Variants in TRAPPC9 observed in about 807,000 individuals in gnomAD.
TRAPPC9 encodes the protein trafficking protein particle complex subunit 9.
A neutral mutation model predicts 124.0 loss-of-function variants in TRAPPC9; 83 were observed. The ratio of observed to expected loss-of-function variants is 0.67; its 90% CI spans 0.56 to 0.80. The LOEUF is 0.80. Among genes scored for constraint, TRAPPC9 ranks in the 30% least tolerant of loss-of-function variants. TRAPPC9 has a pLI of 0.00. For missense variants in TRAPPC9, 1,302 were observed against 1,508.3 expected (o/e 0.86, Z 2.27); for synonymous variants, 638 against 617.5 (o/e 1.03, Z -0.49).
intron 17 of TRAPPC9, among the ~76,000 whole-genome samples, chr8:140,032,706 A>G (rs1418780787): frequency 2.0e-5 from 3 of 152,236 alleles, no homozygotes; most frequent in Non-Finnish European, 2.9e-5. Context: ...AACCACATAC[A>G]TAAGTTGCTT....
chr8:140,440,584 T>A (rs1339484327), intron 2 of TRAPPC9, among the ~76,000 whole-genome samples: 1 of 151,968 alleles, frequency 6.6e-6, no homozygotes, highest in Non-Finnish European at 1.5e-5. Context: ...CTCCGCCTAG[T>A]CTCTGACTCC....
intron 17 of TRAPPC9, among the ~76,000 whole-genome samples, chr8:140,058,591 A>G (rs986357236): frequency 1.1e-4 from 16 of 152,220 alleles, no homozygotes; most frequent in African/African-American, 3.9e-4. Flanking sequence ...CCTCACAGAC[A>G]AAGACAAGCT....
intron 21 of TRAPPC9, among the ~76,000 whole-genome samples, chr8:139,738,033 A>G (rs953009711): frequency 6.6e-6 from 1 of 152,202 alleles, no homozygotes; most frequent in Non-Finnish European, 1.5e-5. Flanking sequence ...AGGTCCTTCC[A>G]GCTTCTCCCA....
rs184686731 is a variant in TRAPPC9, at chr8:139,730,646, T to A, written c.*415A>T. 2.0e-4 allele frequency: 46 copies of A among 226,048 alleles called. No homozygotes were observed. The highest frequency in any genetic ancestry group is 1.0e-3 in the African/African-American group (45 of 44,580). The allele number at this position is 226,048 out of a possible 1,614,324, so 14.0% of individuals were successfully genotyped here. On this transcript the variant is annotated 3_prime_UTR_variant, in exon 23 of 23. Transcript: ENST00000438773. Reference sequence around the variant, plus strand: ...GCCCACGCCCTCAGGCTGTGCCCAGTCTCATGCTCACCATTTCTTTCTATG... The same window carrying A: ...GCCCACGCCCTCAGGCTGTGCCCAGACTCATGCTCACCATTTCTTTCTATG...
intron 2 of TRAPPC9, among the ~76,000 whole-genome samples, chr8:140,449,026 G>A (rs1461384997): frequency 6.6e-6 from 1 of 152,128 alleles, no homozygotes; most frequent in African/African-American, 2.4e-5. Flanking sequence ...ACATTTGGGT[G>A]AAGAAATGAA....
At chr8:139,994,139 G>A (rs911178157) in intron 18 of TRAPPC9, among the ~76,000 whole-genome samples, 1 of 152,164 alleles carries the variant, frequency 6.6e-6, no homozygotes, top group Non-Finnish European at 1.5e-5. Context: ...CTGAGAAAAG[G>A]GTTTGCACAG....
chr8:140,330,200 G>A (rs1461262291), intron 9 of TRAPPC9, among the ~76,000 whole-genome samples: 1 of 150,330 alleles, frequency 6.7e-6, no homozygotes, highest in Non-Finnish European at 1.5e-5. Flanking sequence ...ACTCCAACAT[G>A]TCCAGCAAGT....
At chr8:139,860,358 C>A (rs1388686910) in intron 21 of TRAPPC9, among the ~76,000 whole-genome samples, 1 of 152,194 alleles carries the variant, frequency 6.6e-6, no homozygotes, top group Non-Finnish European at 1.5e-5. Context: ...TCGGGAACAA[C>A]CTCAGGGAGC....
chr8:140,060,457 C>A lies in TRAPPC9; in HGVS notation c.2557-36378G>T, dbSNP rs1189176068. On this transcript the variant is annotated intron_variant, in intron 17 of 22. Coordinates refer to ENST00000438773, the MANE Select transcript of TRAPPC9 (RefSeq NM_001160372.4). ...GAGTTCCTTTTTCTCTAATGTTCTG[C>A]CCCAAATTTCAGCCCCTTGGCCTCC... Among the ~76,000 whole-genome samples the A allele has an allele frequency of 2.0e-5, 3 of 152,184 alleles. No homozygotes were observed. In the East Asian group the frequency reaches 5.8e-4, roughly 29 times the overall value.
At chr8:140,031,524 G>A (rs1272741045) in intron 17 of TRAPPC9, among the ~76,000 whole-genome samples, 1 of 152,120 alleles carries the variant, frequency 6.6e-6, no homozygotes, top group Non-Finnish European at 1.5e-5. Context: ...CTTCTGCTCT[G>A]TTTCTATAAT....
chr8:140,046,752 C>T (rs1235973782), intron 17 of TRAPPC9, among the ~76,000 whole-genome samples: 2 of 152,144 alleles, frequency 1.3e-5, no homozygotes, highest in Non-Finnish European at 2.9e-5. Context: ...ATTAGAATTG[C>T]CCCATATTTT....
intron 21 of TRAPPC9, among the ~76,000 whole-genome samples, chr8:139,760,120 G>A (rs566625399): frequency 4.5e-4 from 68 of 152,334 alleles, no homozygotes; most frequent in Admixed American, 9.1e-4. Flanking sequence ...TGTGGGTGTG[G>A]AGCGTAGTGT....
chr8:140,099,837 T>TAGAGCAGGGAACTGCGGAAAGAG (rs2060540577), intron 17 of TRAPPC9: 1 of 141,346 alleles, frequency 7.1e-6, no homozygotes. Flanking sequence ...CTCCGCAGCC[T>TAGAGCAGGGAACTGCGGAAAGAG]TCTCCAGGGG....
chr8:140,450,667 G>A (rs1356019836), intron 2 of TRAPPC9, 123 bp downstream of exon 2: 1 of 808,226 alleles, frequency 1.2e-6, no homozygotes. Context: ...CTGACAGAAA[G>A]TCATTAGTTT....
At position 139,727,794 on chromosome 8, in the gene TRAPPC9, G is replaced by T. The variant is rs1817633732; in HGVS notation, c.*3267C>A. Reference sequence around the variant, plus strand: ...TTTCCTGTCCCATTTCAGCACCTGTGTTAGAAAGTTCTTCCTTACATGCTT... The same window carrying T: ...TTTCCTGTCCCATTTCAGCACCTGTTTTAGAAAGTTCTTCCTTACATGCTT... On this transcript the variant is annotated 3_prime_UTR_variant, in exon 23 of 23. Transcript: ENST00000438773. Among the ~76,000 whole-genome samples, 1 of 152,166 alleles carries T rather than the reference G, an allele frequency of 6.6e-6. No individual in the cohort carries two copies. Among genetic ancestry groups the T allele is most frequent in the Admixed American group, 6.5e-5 (1 of 15,282 alleles).
chr8:139,978,583 G>A (rs1337194753), intron 19 of TRAPPC9, among the ~76,000 whole-genome samples: 1 of 152,234 alleles, frequency 6.6e-6, no homozygotes, highest in Non-Finnish European at 1.5e-5. Context: ...AATCCACCGA[G>A]CATTGCTGCT....
At chr8:140,433,717 A>G (rs2070727341) in intron 4 of TRAPPC9, among the ~76,000 whole-genome samples, 1 of 152,232 alleles carries the variant, frequency 6.6e-6, no homozygotes, top group African/African-American at 2.4e-5. Context: ...TATTACAGAT[A>G]CAGGAAAAAA....
intron 19 of TRAPPC9, among the ~76,000 whole-genome samples, chr8:139,959,235 G>C (rs1362226031): frequency 2.0e-5 from 3 of 152,246 alleles, no homozygotes; most frequent in African/African-American, 7.2e-5. Context: ...TGTCAGGAGA[G>C]TTTGATGAAG....
intron 21 of TRAPPC9, among the ~76,000 whole-genome samples, chr8:139,867,522 G>T (rs925182419): frequency 1.1e-4 from 16 of 152,134 alleles, no homozygotes; most frequent in Admixed American, 9.2e-4. Context: ...AAAGAGACAA[G>T]GAGTAGCTTT....
Sources: gnomAD v4.1 joint callset for allele counts (sites outside exome capture counted in the v4.1 genomes callset) on GRCh38, gnomAD v4.1.1 for gene constraint, MANE v1.5 for transcripts, NCBI Gene and HGNC (gene_info 2026-07-23, HGNC 2026-07-21) for gene names.